COQ9: variants seen among roughly 807,000 people sequenced by gnomAD.
COQ9 encodes the protein coenzyme Q9, also known as ubiquinone biosynthesis protein COQ9, mitochondrial.
Under a neutral mutation model 42.4 loss-of-function variants are expected in COQ9, and 35 were observed. The observed-to-expected ratio is 0.83, with a 90% CI of 0.63 to 1.10. The LOEUF is 1.10. Among genes scored for constraint, COQ9 ranks in the 50% least tolerant of loss-of-function variants. The probability of loss-of-function intolerance (pLI) is 0.00; values close to 1 mark genes in which losing one functional copy is unlikely to be tolerated. For missense variants in COQ9, 406 were observed against 414.6 expected (o/e 0.98, Z 0.18); for synonymous variants, 155 against 155.1 (o/e 1.00, Z 0.00).
intron 1 of COQ9, 118 bp from the exon 2 acceptor site, chr16:57,450,922 A>G: frequency 8.9e-7 from 1 of 1,120,854 alleles, no homozygotes; most frequent in Non-Finnish European, 1.3e-6. Context: ...CAACACTTGG[A>G]TAAGTGGTTC....
At chr16:57,452,728 C>T in intron 2 of COQ9, 73 bp from the exon 3 acceptor site, 1 of 1,518,448 alleles carries the variant, frequency 6.6e-7, no homozygotes, top group Non-Finnish European at 9.1e-7. Context: ...AGATCCAGAG[C>T]CCCTAGTTTC....
At chr16:57,457,931 G>A (rs1312913045) in intron 5 of COQ9, among the ~76,000 whole-genome samples, 1 of 150,830 alleles carries the variant, frequency 6.6e-6, no homozygotes, top group Non-Finnish European at 1.5e-5. Flanking sequence ...CTTCCTTTGT[G>A]TGACAGACTG....
chr16:57,459,600 C>T lies in COQ9; in HGVS notation c.747C>T (p.Ala249=). The change falls in exon 7 of 9, where the codon GCC becomes GCT. Residue 249 remains alanine, a synonymous_variant. Transcript: ENST00000262507. ...ACACCCGCCGAGCCATGCTGGCTGC[C>T]ATCTACAACACAACAGAGCTGGTGA... is the stretch of plus-strand genomic sequence containing the variant. ...NWYTRRAMLA[A]IYNTTELVMM... is the part of the protein sequence containing the mutation. The T allele has an allele frequency of 6.2e-7, 1 of 1,614,166 alleles. No homozygotes were observed. Among genetic ancestry groups the T allele is most frequent in the Non-Finnish European group, 8.5e-7 (1 of 1,180,032 alleles).
Position 57,452,788 on chromosome 16 carries a change from C to T in COQ9, c.243-13C>T. ...GGAGATGAAGTATGCTGGGCTGTGT[C>T]CTCTTGTCTCAGGTATACAGACCAG... On this transcript the variant is annotated splice_polypyrimidine_tract_variant and intron_variant, in intron 2 of 8. Coordinates refer to ENST00000262507, the MANE Select transcript of COQ9 (RefSeq NM_020312.4). 6.2e-7 allele frequency: 1 copy of T among 1,612,748 alleles called. No individual in the cohort carries two copies. The highest frequency in any genetic ancestry group is 8.5e-7 in the Non-Finnish European group (1 of 1,180,004).
chr16:57,452,860 A>T lies in COQ9; in HGVS notation c.302A>T (p.His101Leu). The change falls in exon 3 of 9, where the codon CAC (histidine) becomes CTC (leucine). Residue 101 changes from histidine to leucine, a missense_variant. His to Leu is a moderately conservative substitution (Grantham distance 99). Transcript: ENST00000262507. Reference protein sequence around the residue: ...EDYESEEQLQHRILTAALEFV... With the variant: ...EDYESEEQLQLRILTAALEFV... Reference sequence around the variant, plus strand: ...TATGAAAGTGAGGAGCAGTTGCAGCACCGCATCCTGACGGCAGCCCTTGAG... The same window carrying T: ...TATGAAAGTGAGGAGCAGTTGCAGCTCCGCATCCTGACGGCAGCCCTTGAG... The T allele has an allele frequency of 6.2e-7, 1 of 1,613,806 alleles. No individual in the cohort carries two copies. Among genetic ancestry groups the T allele is most frequent in the Non-Finnish European group, 8.5e-7 (1 of 1,180,002 alleles).
intron 1 of COQ9, among the ~76,000 whole-genome samples, chr16:57,449,642 T>A (rs1436503459): frequency 2.0e-5 from 3 of 151,940 alleles, no homozygotes; most frequent in African/African-American, 4.8e-5. Flanking sequence ...TAAATAAATA[T>A]ATATATATAC....
chr16:57,457,343 G>T (rs1292370071), intron 5 of COQ9: 1 of 398,380 alleles, frequency 2.5e-6, no homozygotes, highest in East Asian at 5.7e-5. Flanking sequence ...AGAGTCAGAA[G>T]ATTTTATTGG....
At chr16:57,454,622 C>A (rs607778) in intron 3 of COQ9, among the ~76,000 whole-genome samples, 73,442 of 152,040 alleles carry the variant, frequency 0.48, 18,159 homozygotes, top group Non-Finnish European at 0.54. Flanking sequence ...GATGCCATTG[C>A]ACTCCAGCCT....
At chr16:57,452,395 G>A (rs567124847) in intron 2 of COQ9, among the ~76,000 whole-genome samples, 14 of 152,318 alleles carry the variant, frequency 9.2e-5, no homozygotes, top group Middle Eastern at 3.4e-3. Flanking sequence ...TAATCCCAGC[G>A]CTTTGGGAGG....
chr16:57,455,356 C>CATATATATAT (rs72051263), intron 3 of COQ9, among the ~76,000 whole-genome samples: 2 of 143,340 alleles, frequency 1.4e-5, no homozygotes, highest in South Asian at 2.2e-4. Context: ...CACATTTGGG[C>CATATATATAT]ATATATATAT....
Position 57,460,077 on chromosome 16 carries a change from G to A in COQ9, c.894G>A (p.Val298=), listed in dbSNP as rs1186086385. ...TAAAGTCCACAGGAGAGGCACTGGT[G>A]CAAGGACTCATGGGTGCAGCAGTGA... ...KQVKSTGEAL[V]QGLMGAAVTL... is the part of the protein sequence containing the mutation. The change falls in exon 8 of 9, where the codon GTG becomes GTA. Residue 298 remains valine, a synonymous_variant. Coordinates refer to ENST00000262507, the MANE Select transcript of COQ9 (RefSeq NM_020312.4). The A allele has an allele frequency of 6.8e-6, 11 of 1,614,060 alleles. No homozygotes were observed. The highest frequency in any genetic ancestry group is 5.3e-5 in the African/African-American group (4 of 74,906).
chr16:57,451,636 T>C (rs2030290621), intron 2 of COQ9, among the ~76,000 whole-genome samples: 1 of 152,264 alleles, frequency 6.6e-6, no homozygotes, highest in Admixed American at 6.5e-5. Flanking sequence ...TAGATGTTTC[T>C]CTAAGCTTAT....
chr16:57,457,089 A>G, intron 5 of COQ9, 74 bp downstream of exon 5: 2 of 1,151,088 alleles, frequency 1.7e-6, no homozygotes, highest in Non-Finnish European at 2.6e-6. Context: ...TTTCACTCAG[A>G]TGACTTTGTA....
chr16:57,458,266 C>G lies in COQ9; in HGVS notation c.627C>G (p.Leu209=), dbSNP rs751415697. Residue 209 remains leucine (L), a synonymous_variant, in exon 6 of 9, where the codon CTC becomes CTG. Transcript: ENST00000262507. ...HWPRALSILM[L]PHNIPSSLSL... ...TCCAGGCCCTCAGCATCCTCATGCTCCCTCACAACATCCCGTCCAGCCTGA... is the reference window on the plus strand; with the variant it reads ...TCCAGGCCCTCAGCATCCTCATGCTGCCTCACAACATCCCGTCCAGCCTGA... 3 of 1,611,826 alleles carry G rather than the reference C, an allele frequency of 1.9e-6. No homozygotes were observed. Among genetic ancestry groups the G allele is most frequent in the South Asian group, 1.1e-5 (1 of 90,352 alleles).
rs774850407 is a variant in COQ9 at position 57,451,082 on chromosome 16, C to T, written c.116C>T (p.Ala39Val). 1.2e-6 allele frequency: 2 copies of T among 1,614,172 alleles called. No homozygotes were observed. The highest frequency in any genetic ancestry group is 1.7e-6 in the Non-Finnish European group (2 of 1,180,046). Reference protein sequence around the residue: ...RQALVPRAFHASAVGLRSSDE... With the variant: ...RQALVPRAFHVSAVGLRSSDE... The stretch of plus-strand genomic sequence containing the variant: ...GCCCTGGTGCCGCGTGCCTTCCATG[C>T]TTCAGCTGTGGGGCTAAGGTCTTCA... The change falls in exon 2 of 9, where the codon GCT (alanine) becomes GTT (valine). Residue 39 changes from alanine (A) to valine (V), a missense_variant. Coordinates refer to ENST00000262507, the MANE Select transcript of COQ9 (RefSeq NM_020312.4).
At chr16:57,448,703 G>A (rs778422532) in intron 1 of COQ9, among the ~76,000 whole-genome samples, 2 of 151,924 alleles carry the variant, frequency 1.3e-5, no homozygotes, top group Non-Finnish European at 2.9e-5. Flanking sequence ...ATGAGCCACC[G>A]CCTAGCCCCC....
intron 2 of COQ9, among the ~76,000 whole-genome samples, chr16:57,452,541 C>T (rs1407606561): frequency 6.6e-6 from 1 of 152,124 alleles, no homozygotes; most frequent in Non-Finnish European, 1.5e-5. Context: ...ACTTAGGAGG[C>T]TGAGGCAGGA....
In COQ9 at chr16:57,450,052, G is replaced by A. The variant is rs143334687; in HGVS notation, c.74-988G>A. On this transcript the variant is annotated intron_variant, in intron 1 of 8. Transcript: ENST00000262507. ...AGATGGATGAATGAAGAACATGACA[G>A]ATGTGTTGAACCTAGTGGCAGATAT... is the stretch of plus-strand genomic sequence containing the variant. Among the ~76,000 whole-genome samples the A allele has an allele frequency of 2.4e-3, 366 of 152,350 alleles. 1 individual carries two copies. Among genetic ancestry groups the A allele is most frequent in the East Asian group, 8.3e-3 (43 of 5,186 alleles).
In COQ9 at chr16:57,447,576, C is replaced by T. The variant is rs578214371; in HGVS notation, c.71C>T (p.Pro24Leu). 1.4e-4 allele frequency: 178 copies of T among 1,275,558 alleles called. 1 individual carries two copies. Among genetic ancestry groups the T allele is most frequent in the African/African-American group, 1.5e-5 (1 of 65,060 alleles). The allele number at this position is 1,275,558 out of a possible 1,614,324, so 79.0% of individuals were successfully genotyped here. A position where few individuals can be genotyped will look rare whatever the true frequency, so the allele number is the denominator to read the frequency against. ...AGGCTCCTGCAGCTGCGATGCCTGC[C>T]CGGTGAGGGGGCTGCCAAGCCGGGG... ...GWRLLQLRCL[P>L]VARCRQALVP... Residue 24 changes from proline (P) to leucine (L), a missense_variant and splice_region_variant, in exon 1 of 9, where the codon CCC becomes CTC. Transcript: ENST00000262507.
Sources: gnomAD v4.1 joint callset for allele counts (sites outside exome capture counted in the v4.1 genomes callset) on GRCh38, gnomAD v4.1.1 for gene constraint, MANE v1.5 for transcripts, NCBI Gene and HGNC (gene_info 2026-07-23, HGNC 2026-07-21) for gene names.